Variants in MRPS25 observed in about 807,000 individuals in gnomAD.
The protein encoded by MRPS25 is mitochondrial ribosomal protein S25, also known as small ribosomal subunit protein mS25.
A neutral mutation model predicts 17.3 loss-of-function variants in MRPS25; 15 were observed. The observed-to-expected ratio is 0.87, with a 90% CI of 0.58 to 1.34. The LOEUF is 1.34. Ranked by LOEUF, MRPS25 falls within the 40% of genes most tolerant of loss-of-function variation. MRPS25 has a pLI of 0.00. For synonymous variants in MRPS25, 94 were observed against 83.3 expected, an observed-to-expected ratio of 1.13 and a Z score of -0.70; for missense variants, 225 against 218.6, an observed-to-expected ratio of 1.03 and a Z score of -0.19.
At chr3:15,054,612 G>A (rs952945816) in intron 2 of MRPS25, among the ~76,000 whole-genome samples, 1 of 152,034 alleles carries the variant, frequency 6.6e-6, no homozygotes, top group African/African-American at 2.4e-5. Context: ...ACTTCTAGAG[G>A]AGAACACAGG....
At chr3:15,063,627 C>T (rs950807286) in intron 1 of MRPS25, among the ~76,000 whole-genome samples, 1 of 152,172 alleles carries the variant, frequency 6.6e-6, no homozygotes, top group African/African-American at 2.4e-5. Flanking sequence ...ACCTAGAGGA[C>T]ATTAAAATAT....
At position 15,051,186 on chromosome 3, in the gene MRPS25, T is replaced by TA; in HGVS notation, c.*1254dup. Reference sequence around the variant, plus strand: ...CCTTCACTTTATAATTAAACTTATTTAAAAAATTTTTTTTCTTGAGACAGT... The same window carrying TA: ...CCTTCACTTTATAATTAAACTTATTTAAAAAAATTTTTTTTCTTGAGACAGT... On this transcript the variant is annotated 3_prime_UTR_variant, in exon 4 of 4. Coordinates refer to ENST00000253686, the MANE Select transcript of MRPS25 (RefSeq NM_022497.5). The TA allele has an allele frequency of 1.0e-6, 1 of 984,314 alleles. No individual in the cohort carries two copies. Among genetic ancestry groups the TA allele is most frequent in the Non-Finnish European group, 1.2e-6 (1 of 828,940 alleles). 61.0% of individuals were successfully genotyped at this position (984,314 alleles called of 1,614,324 possible).
chr3:15,060,602 G>A (rs1028454509), intron 1 of MRPS25, among the ~76,000 whole-genome samples: 5 of 151,724 alleles, frequency 3.3e-5, no homozygotes, highest in East Asian at 3.9e-4. Context: ...TAGTTAAGCC[G>A]CCGGGCGCGG....
intron 1 of MRPS25, among the ~76,000 whole-genome samples, chr3:15,064,375 T>C (rs565632850): frequency 6.6e-6 from 1 of 152,278 alleles, no homozygotes; most frequent in African/African-American, 2.4e-5. Flanking sequence ...ATCCTAGGCG[T>C]TCCCTACAGT....
intron 1 of MRPS25, among the ~76,000 whole-genome samples, chr3:15,063,173 A>C (rs919123995): frequency 6.6e-6 from 1 of 151,966 alleles, no homozygotes; most frequent in Non-Finnish European, 1.5e-5. Context: ...CAATTTAAGG[A>C]AACTAAGGTC....
intron 2 of MRPS25, among the ~76,000 whole-genome samples, chr3:15,058,085 A>T (rs1156965971): frequency 6.6e-6 from 1 of 152,118 alleles, no homozygotes; most frequent in Non-Finnish European, 1.5e-5. Flanking sequence ...CATGTTGCCC[A>T]TGTTGGTCTC....
At chr3:15,055,779 C>T (rs1483754989) in intron 2 of MRPS25, among the ~76,000 whole-genome samples, 1 of 152,022 alleles carries the variant, frequency 6.6e-6, no homozygotes, top group Non-Finnish European at 1.5e-5. Context: ...GAAATTTCTG[C>T]TCTTCAAAAG....
chr3:15,064,588 G>A (rs1389632294), intron 1 of MRPS25, among the ~76,000 whole-genome samples: 1 of 152,208 alleles, frequency 6.6e-6, no homozygotes, highest in African/African-American at 2.4e-5. Context: ...GGTTTCTCTA[G>A]GCATCAGAAA....
chr3:15,048,498 T>G (rs1321367966), downstream of MRPS25: 1 of 152,652 alleles, frequency 6.6e-6, no homozygotes, highest in Non-Finnish European at 1.5e-5. Context: ...GTCTTGATAT[T>G]TATACATGCA....
At chr3:15,060,041 C>G (rs2042729838) in intron 1 of MRPS25, among the ~76,000 whole-genome samples, 1 of 150,956 alleles carries the variant, frequency 6.6e-6, no homozygotes, top group Non-Finnish European at 1.5e-5. Flanking sequence ...TTGTGTACAG[C>G]ATTTACAAAG....
chr3:15,047,828 A>G (rs947291980), downstream of MRPS25: 1 of 152,208 alleles, frequency 6.6e-6, no homozygotes, highest in Non-Finnish European at 1.5e-5. Context: ...AATGACTTTA[A>G]CTCCTTTCTA....
At position 15,065,307 on chromosome 3, in the gene MRPS25, A is replaced by T. The variant is rs2042839959; in HGVS notation, c.-113T>A. On this transcript the variant is annotated 5_prime_UTR_variant, in exon 1 of 4. Transcript: ENST00000253686. ...CGGCTTCTCCCCAGAGCCAGGTTCC[A>T]CTTCCCGCGCAGACGCACAGGAGAC... is the stretch of plus-strand genomic sequence containing the variant. The T allele has an allele frequency of 1.4e-6, 2 of 1,399,654 alleles. No homozygotes were observed. Among genetic ancestry groups the T allele is most frequent in the Non-Finnish European group, 1.9e-6 (2 of 1,071,468 alleles). 86.7% of individuals were successfully genotyped at this position (1,399,654 alleles called of 1,614,324 possible).
intron 2 of MRPS25, among the ~76,000 whole-genome samples, chr3:15,058,351 G>A (rs991223811): frequency 3.9e-5 from 6 of 152,152 alleles, no homozygotes; most frequent in Middle Eastern, 3.4e-3. Flanking sequence ...CACCACGCCC[G>A]GCTAATTTTT....
At chr3:15,062,276 G>A in intron 1 of MRPS25, among the ~76,000 whole-genome samples, 5 of 51,316 alleles carry the variant, frequency 9.7e-5, no homozygotes, top group Admixed American at 3.5e-4. Flanking sequence ...CAGGGGGTCA[G>A]CCCCCCGCCC....
chr3:15,056,445 T>C (rs2042674840), intron 2 of MRPS25, among the ~76,000 whole-genome samples: 2 of 152,114 alleles, frequency 1.3e-5, no homozygotes, highest in Admixed American at 6.6e-5. Flanking sequence ...GCAGATGTGA[T>C]TCGAGTTAAG....
intron 2 of MRPS25, among the ~76,000 whole-genome samples, chr3:15,057,559 A>G (rs143030101): frequency 9.6e-4 from 147 of 152,350 alleles, no homozygotes; most frequent in Middle Eastern, 3.4e-3. Context: ...GTTACATGAC[A>G]TTCTAAAACA....
chr3:15,057,171 G>A (rs929429500), intron 2 of MRPS25, among the ~76,000 whole-genome samples: 1 of 152,202 alleles, frequency 6.6e-6, no homozygotes, highest in Non-Finnish European at 1.5e-5. Context: ...TGGGCAGCCC[G>A]TGCTCTCCCT....
At chr3:15,061,887 A>G (rs1289382115) in intron 1 of MRPS25, among the ~76,000 whole-genome samples, 8 of 130,470 alleles carry the variant, frequency 6.1e-5, no homozygotes, top group Non-Finnish European at 3.2e-5. Context: ...AAGGGAGGAG[A>G]CCCTCCGCCC....
At position 15,056,324 on chromosome 3, in the gene MRPS25, T is replaced by C. The variant is rs1341243782; in HGVS notation, c.242-2857A>G. Among the ~76,000 whole-genome samples, 3 of 152,110 alleles carry C rather than the reference T, an allele frequency of 2.0e-5. No individual in the cohort carries two copies. The East Asian group carries it at 5.8e-4, about 29-fold the overall frequency. ...TGCATATTACAACTCCAATGAGATA[T>C]ACACCCAATGGGATGGCCAAAATTT... On this transcript the variant is annotated intron_variant, in intron 2 of 3. Transcript: ENST00000253686.
Sources: allele counts gnomAD v4.1 joint callset (sites outside exome capture counted in the v4.1 genomes callset), GRCh38; gene constraint gnomAD v4.1.1; transcripts MANE v1.5; gene names NCBI Gene and HGNC (gene_info 2026-07-23, HGNC 2026-07-21).